PDE10A: variants seen among roughly 807,000 people sequenced by gnomAD.
PDE10A encodes phosphodiesterase 10A.
In PDE10A, 39 loss-of-function variants were observed where a neutral mutation model predicts 97.7. The observed-to-expected ratio is 0.40, with a 90% confidence interval of 0.31 to 0.52. PDE10A has a LOEUF of 0.52. Ranked by LOEUF, PDE10A falls within the 20% of genes least tolerant of loss-of-function variation. PDE10A has a pLI of 0.56. For missense variants in PDE10A, 731 were observed against 1,047.8 expected, an observed-to-expected ratio of 0.70 and a Z score of 4.17; for synonymous variants, 371 against 376.8, an observed-to-expected ratio of 0.98 and a Z score of 0.18.
chr6:165,936,809 A>C (rs1321097144), intron 1 of PDE10A, among the ~76,000 whole-genome samples: 1 of 152,178 alleles, frequency 6.6e-6, no homozygotes, highest in Non-Finnish European at 1.5e-5. Context: ...GTTCCCCAAT[A>C]TTCTCTCTTT....
In PDE10A at chr6:165,509,863, T is replaced by C. The variant is rs144555837; in HGVS notation, c.995-27520A>G. The stretch of plus-strand genomic sequence containing the variant: ...AGCTATTGTAAATGGGATTGGCTTC[T>C]TGATTTCTTTTTCAGCTATTTCATT... On this transcript the variant is annotated intron_variant, in intron 2 of 21. Coordinates refer to ENST00000539869, the MANE Select transcript of PDE10A (RefSeq NM_001385079.1). 6.3e-3 allele frequency among the ~76,000 whole-genome samples: 964 copies of C among 152,158 alleles called. 8 individuals carry two copies. Among genetic ancestry groups the C allele is most frequent in the Middle Eastern group, 0.024 (7 of 294 alleles).
At chr6:165,625,805 C>G (rs753810888) in intron 1 of PDE10A, among the ~76,000 whole-genome samples, 4 of 152,192 alleles carry the variant, frequency 2.6e-5, no homozygotes, top group African/African-American at 4.8e-5. Flanking sequence ...CAGTAAACCT[C>G]TTTTTCTTTA....
At chr6:165,602,325 G>A (rs1422185026) in intron 1 of PDE10A, among the ~76,000 whole-genome samples, 1 of 152,072 alleles carries the variant, frequency 6.6e-6, no homozygotes, top group East Asian at 1.9e-4. Context: ...AAGAGCCCTA[G>A]GAGGCAGCTA....
intron 1 of PDE10A, among the ~76,000 whole-genome samples, chr6:165,823,524 ATGAACCTTAAT>A (rs1779639674): frequency 2.9e-3 from 231 of 79,062 alleles, no homozygotes; most frequent in South Asian, 4.9e-3. Context: ...ATATATATAT[ATGAACCTTAAT>A]TATAAATATT....
intron 2 of PDE10A, among the ~76,000 whole-genome samples, chr6:165,484,049 T>A (rs777402035): frequency 1.3e-5 from 2 of 152,254 alleles, no homozygotes; most frequent in African/African-American, 2.4e-5. Context: ...GTCTCCAACT[T>A]AACACTCAAT....
At chr6:165,701,369 T>C (rs771968099) in intron 1 of PDE10A, among the ~76,000 whole-genome samples, 5 of 152,234 alleles carry the variant, frequency 3.3e-5, no homozygotes, top group South Asian at 2.1e-4. Flanking sequence ...CACTGTTCTT[T>C]ATGATTTTTC....
At chr6:165,687,829 C>T (rs1375920495) in intron 1 of PDE10A, among the ~76,000 whole-genome samples, 1 of 152,162 alleles carries the variant, frequency 6.6e-6, no homozygotes, top group Non-Finnish European at 1.5e-5. Context: ...TAAGCCCTTC[C>T]CAAACTTTCG....
intron 1 of PDE10A, among the ~76,000 whole-genome samples, chr6:165,729,961 TTATATACATATATATCA>T (rs1792388821): frequency 6.6e-6 from 1 of 152,190 alleles, no homozygotes; most frequent in Non-Finnish European, 1.5e-5. Flanking sequence ...TTCCATATAT[TTATATACATATATATCA>T]CCAAGAAATA....
At chr6:165,650,995 C>T (rs956481142) in intron 1 of PDE10A, among the ~76,000 whole-genome samples, 2 of 152,176 alleles carry the variant, frequency 1.3e-5, no homozygotes, top group Admixed American at 1.3e-4. Flanking sequence ...CTCGGCCTCC[C>T]AAAGTGCTGG....
intron 1 of PDE10A, among the ~76,000 whole-genome samples, chr6:165,676,817 T>C (rs189210922): frequency 3.9e-5 from 6 of 152,310 alleles, no homozygotes; most frequent in Non-Finnish European, 4.4e-5. Flanking sequence ...GCCGTGGGAC[T>C]GGCGAGCGCC....
intron 2 of PDE10A, among the ~76,000 whole-genome samples, chr6:165,520,235 G>A (rs963881553): frequency 3.9e-5 from 6 of 152,226 alleles, no homozygotes; most frequent in South Asian, 2.1e-4. Context: ...TTTGAAGCAC[G>A]TTCTATCATA....
chr6:165,583,778 T>C (rs1007846994), intron 1 of PDE10A, among the ~76,000 whole-genome samples: 3 of 152,134 alleles, frequency 2.0e-5, no homozygotes, highest in Non-Finnish European at 4.4e-5. Flanking sequence ...TGATACCGTT[T>C]CTCCCATAGC....
At chr6:165,741,963 G>A (rs952766559) in intron 1 of PDE10A, among the ~76,000 whole-genome samples, 6 of 152,188 alleles carry the variant, frequency 3.9e-5, no homozygotes, top group Non-Finnish European at 7.3e-5. Flanking sequence ...AATGCAATTA[G>A]ATGTTGGCAG....
At position 165,330,477 on chromosome 6, in the gene PDE10A, C is replaced by T. The variant is rs1270780317; in HGVS notation, c.*2548G>A. Reference sequence around the variant, plus strand: ...CCGGGTCCTTTTATTTTAGGTAAATCTGTGATTACTAAGTAAATCTTACAC... The same window carrying T: ...CCGGGTCCTTTTATTTTAGGTAAATTTGTGATTACTAAGTAAATCTTACAC... On this transcript the variant is annotated 3_prime_UTR_variant, in exon 22 of 22. Transcript: ENST00000539869. 6.6e-6 allele frequency: 1 copy of T among 152,264 alleles called. No individual in the cohort carries two copies. Among genetic ancestry groups the T allele is most frequent in the East Asian group, 1.9e-4 (1 of 5,184 alleles). 9.4% of individuals were successfully genotyped at this position (152,264 alleles called of 1,614,324 possible).
intron 1 of PDE10A, among the ~76,000 whole-genome samples, chr6:165,927,503 CTA>C (rs1388004530): frequency 4.0e-5 from 6 of 151,722 alleles, no homozygotes; most frequent in Non-Finnish European, 5.9e-5. Flanking sequence ...GTATAAATGA[CTA>C]TGCAGAAAGT....
chr6:165,778,370 T>A (rs1778253573), intron 1 of PDE10A, among the ~76,000 whole-genome samples: 2 of 152,204 alleles, frequency 1.3e-5, no homozygotes, highest in Non-Finnish European at 2.9e-5. Context: ...GCGCCTGGCC[T>A]ACATGTTTAT....
At chr6:165,948,980 GC>G (rs1473181545) in intron 1 of PDE10A, 1 of 152,254 alleles carries the variant, frequency 6.6e-6, no homozygotes, top group African/African-American at 2.4e-5. Flanking sequence ...CATCTGTCTT[GC>G]CACAGGGCAC....
chr6:165,604,696 T>C (rs1246543692), intron 1 of PDE10A, among the ~76,000 whole-genome samples: 1 of 152,228 alleles, frequency 6.6e-6, no homozygotes. Flanking sequence ...ATCTCTTAGG[T>C]ACTTCAGTGG....
intron 18 of PDE10A, among the ~76,000 whole-genome samples, chr6:165,361,504 C>T (rs1783422965): frequency 1.3e-5 from 2 of 152,122 alleles, no homozygotes; most frequent in South Asian, 2.1e-4. Flanking sequence ...TTCCTCAGAA[C>T]GTGACCTTAT....
Sources: gnomAD v4.1 joint callset for allele counts (sites outside exome capture counted in the v4.1 genomes callset) on GRCh38, gnomAD v4.1.1 for gene constraint, MANE v1.5 for transcripts, NCBI Gene and HGNC (gene_info 2026-07-23, HGNC 2026-07-21) for gene names.